Variants in OR2L13 observed in about 807,000 individuals in gnomAD.
OR2L13 encodes the protein olfactory receptor 2L13.
In OR2L13, 14 loss-of-function variants were observed where a neutral mutation model predicts 15.3. That is an observed-to-expected ratio of 0.91 (90% CI 0.60 to 1.43). The LOEUF is 1.43. Among genes scored for constraint, OR2L13 ranks in the 40% most tolerant of loss-of-function variants. OR2L13 has a pLI of 0.00. For synonymous variants in OR2L13, 152 were observed against 142.9 expected, an observed-to-expected ratio of 1.06 and a Z score of -0.45; for missense variants, 367 against 387.9, an observed-to-expected ratio of 0.95 and a Z score of 0.45.
At chr1:248,029,837 T>C in the OR2L13 span, among the ~76,000 whole-genome samples, 1 of 152,180 alleles carries the variant, frequency 6.6e-6, no homozygotes, top group African/African-American at 2.4e-5. Flanking sequence ...TGAATAAATA[T>C]GTTTGTTTCT....
At chr1:247,950,248 C>T in the OR2L13 span, among the ~76,000 whole-genome samples, 1 of 152,060 alleles carries the variant, frequency 6.6e-6, no homozygotes, top group African/African-American at 2.4e-5. Flanking sequence ...AGACACTTAA[C>T]GTACCAGTTA....
At chr1:247,961,844 C>T in the OR2L13 span, among the ~76,000 whole-genome samples, 2 of 151,654 alleles carry the variant, frequency 1.3e-5, no homozygotes, top group African/African-American at 2.4e-5. Flanking sequence ...CACACTTTGG[C>T]AAAGGCCAAA....
the OR2L13 span, among the ~76,000 whole-genome samples, chr1:248,025,042 G>A: frequency 6.6e-6 from 1 of 151,902 alleles, no homozygotes; most frequent in Non-Finnish European, 1.5e-5. Flanking sequence ...GCATGGGCAA[G>A]GACTTCATGT....
the OR2L13 span, chr1:247,939,577 A>G: frequency 2.6e-5 from 4 of 152,192 alleles, no homozygotes; most frequent in African/African-American, 9.6e-5. Context: ...TCTGGTGGCA[A>G]TGAAAAATAT....
At chr1:247,955,128 A>G in the OR2L13 span, among the ~76,000 whole-genome samples, 1 of 146,970 alleles carries the variant, frequency 6.8e-6, no homozygotes, top group Non-Finnish European at 1.5e-5. Flanking sequence ...GCCCTGGTGT[A>G]TGATGTTCCC....
chr1:247,943,002 G>A, the OR2L13 span, among the ~76,000 whole-genome samples: 8 of 151,918 alleles, frequency 5.3e-5, no homozygotes, highest in Admixed American at 1.3e-4. Flanking sequence ...GACTTATTTC[G>A]CTTAGCATAA....
At chr1:248,016,915 G>C in the OR2L13 span, among the ~76,000 whole-genome samples, 1 of 152,050 alleles carries the variant, frequency 6.6e-6, no homozygotes, top group Admixed American at 6.6e-5. Context: ...AGTGTGAAGA[G>C]CTTGTTATTA....
the OR2L13 span, among the ~76,000 whole-genome samples, chr1:248,026,897 ATTGT>A: frequency 0.021 from 3,164 of 152,208 alleles, 117 homozygotes; most frequent in African/African-American, 0.072. Flanking sequence ...AACTGCACAA[ATTGT>A]TTGTAGTGCA....
At chr1:248,062,497 A>G in the OR2L13 span, 1 of 152,170 alleles carries the variant, frequency 6.6e-6, no homozygotes, top group Non-Finnish European at 1.5e-5. Flanking sequence ...TCTCACTCCT[A>G]TGCGAGAGCT....
the OR2L13 span, chr1:248,023,086 A>G: frequency 1.6e-5 from 8 of 488,216 alleles, no homozygotes; most frequent in Non-Finnish European, 2.9e-5. Context: ...TTTTTATCAA[A>G]AGACAGATCA....
the OR2L13 span, among the ~76,000 whole-genome samples, chr1:248,018,290 A>T: frequency 1.3e-5 from 2 of 152,204 alleles, no homozygotes; most frequent in Non-Finnish European, 2.9e-5. Context: ...AAAAATTAGG[A>T]TAATAAGTCT....
the OR2L13 span, among the ~76,000 whole-genome samples, chr1:247,986,327 T>C: frequency 6.6e-6 from 1 of 152,230 alleles, no homozygotes; most frequent in African/African-American, 2.4e-5. Context: ...GCTTTCTACA[T>C]ATGGCTAGCC....
At chr1:248,072,138 A>C in the OR2L13 span, among the ~76,000 whole-genome samples, 2 of 151,958 alleles carry the variant, frequency 1.3e-5, no homozygotes, top group African/African-American at 4.8e-5. Context: ...TTTAAAGTTC[A>C]TATGGAACCA....
the OR2L13 span, among the ~76,000 whole-genome samples, chr1:248,007,981 A>T: frequency 6.6e-6 from 1 of 152,188 alleles, no homozygotes; most frequent in Non-Finnish European, 1.5e-5. Flanking sequence ...CAGCATATTT[A>T]TTAGTTTGAG....
upstream of OR2L13, among the ~76,000 whole-genome samples, chr1:248,095,946 C>A (rs138762735): frequency 7.2e-5 from 11 of 151,728 alleles, no homozygotes; most frequent in East Asian, 2.2e-3. Context: ...TGAAGAACTT[C>A]GGGCAAAGTG....
the OR2L13 span, among the ~76,000 whole-genome samples, chr1:247,942,150 TC>T: frequency 4.6e-5 from 7 of 152,148 alleles, no homozygotes; most frequent in Middle Eastern, 3.2e-3. Flanking sequence ...CTGGAAACCA[TC>T]CTCACAAAAT....
At chr1:248,054,637 T>C in the OR2L13 span, among the ~76,000 whole-genome samples, 1 of 152,198 alleles carries the variant, frequency 6.6e-6, no homozygotes, top group South Asian at 2.1e-4. Context: ...TTTGTAGTTC[T>C]CTTTGAATAG....
the OR2L13 span, among the ~76,000 whole-genome samples, chr1:248,047,919 A>G: frequency 1.3e-5 from 2 of 152,148 alleles, no homozygotes; most frequent in African/African-American, 4.8e-5. Context: ...TAACCCATGG[A>G]TTCTTCTCCC....
chr1:248,084,170 C>T, the OR2L13 span: 2 of 1,611,738 alleles, frequency 1.2e-6, no homozygotes, highest in Non-Finnish European at 1.7e-6. Flanking sequence ...ACGACATGGT[C>T]ATCCTCAGGC....
Sources: gnomAD v4.1 joint callset for allele counts (sites outside exome capture counted in the v4.1 genomes callset) on GRCh38, gnomAD v4.1.1 for gene constraint, MANE v1.5 for transcripts, NCBI Gene and HGNC (gene_info 2026-07-23, HGNC 2026-07-21) for gene names.